Variants in XRN1 observed in about 807,000 individuals in gnomAD.
XRN1 encodes 5'-3' exoribonuclease 1.
In XRN1, 67 loss-of-function variants were observed where a neutral mutation model predicts 222.3. The ratio of observed to expected loss-of-function variants is 0.30; its 90% CI spans 0.25 to 0.37. The LOEUF is 0.37. Among genes scored for constraint, XRN1 ranks in the 10% least tolerant of loss-of-function variants. The pLI, the probability that XRN1 is intolerant of heterozygous loss-of-function variation, is 1.00. For synonymous variants in XRN1, 643 were observed against 652.4 expected (o/e 0.99, Z 0.22); for missense variants, 1,707 against 2,000.2 (o/e 0.85, Z 2.80).
At chr3:142,331,438 CAGTT>C (rs1268043110) in intron 36 of XRN1, among the ~76,000 whole-genome samples, 4 of 152,048 alleles carry the variant, frequency 2.6e-5, no homozygotes, top group Admixed American at 6.5e-5. Flanking sequence ...ATTTTTACAA[CAGTT>C]AGGTTATTTT....
intron 21 of XRN1, among the ~76,000 whole-genome samples, chr3:142,383,732 T>A (rs2067387061): frequency 6.6e-6 from 1 of 152,182 alleles, no homozygotes; most frequent in African/African-American, 2.4e-5. Flanking sequence ...AGAAGCCAAC[T>A]CAGGCAGCCA....
chr3:142,314,049 C>T (rs778153997), intron 39 of XRN1, among the ~76,000 whole-genome samples: 8 of 152,286 alleles, frequency 5.3e-5, no homozygotes, highest in African/African-American at 1.4e-4. Context: ...TGGTCAACTC[C>T]GTAATTTCCC....
rs146286357 is a variant in XRN1, at chr3:142,411,810, T to C, written c.1713+734A>G. ...TATAGCATTACTCAAATCTTCTTTA[T>C]ACTTACTGAAAATTTTTTTTTTTTT... On this transcript the variant is annotated intron_variant, in intron 15 of 40. Transcript: ENST00000392981. Among the ~76,000 whole-genome samples the C allele has an allele frequency of 3.2e-3, 483 of 152,062 alleles. 1 individual carries two copies. The highest frequency in any genetic ancestry group is 9.6e-3 in the African/African-American group (399 of 41,532).
At chr3:142,437,387 C>T (rs1252345504) in intron 1 of XRN1, among the ~76,000 whole-genome samples, 1 of 152,164 alleles carries the variant, frequency 6.6e-6, no homozygotes, top group African/African-American at 2.4e-5. Flanking sequence ...CCTCAGTTTC[C>T]CAACAGAACT....
intron 15 of XRN1, among the ~76,000 whole-genome samples, chr3:142,408,903 T>C (rs1042670638): frequency 2.0e-5 from 3 of 152,240 alleles, no homozygotes; most frequent in East Asian, 3.9e-4. Flanking sequence ...GATTATGGTA[T>C]AGTGGTATCT....
chr3:142,380,167 C>T lies in XRN1; in HGVS notation c.2630G>A (p.Gly877Asp), dbSNP rs755519017. 3.1e-6 allele frequency: 5 copies of T among 1,613,684 alleles called. No individual in the cohort carries two copies. Among genetic ancestry groups the T allele is most frequent in the South Asian group, 1.1e-5 (1 of 91,046 alleles). Residue 877 changes from glycine to aspartate, a missense_variant, in exon 23 of 41, where the codon GGT becomes GAT. By Grantham distance (94) the Gly-to-Asp change is moderately conservative (BLOSUM62 -1). This residue lies in a region of XRN1 where 1,234 missense variants were observed against 1,518.2 expected (regional missense o/e 0.81). Coordinates refer to ENST00000392981, the MANE Select transcript of XRN1 (RefSeq NM_001282857.2). ...AATCCTACCTTCTGTAATCACATCA[C>T]CTGAATCCTGAACCTTAGAAGAAAA... The part of the protein sequence containing the change: ...YGCTGEVQDS[G>D]DVITEGRIRV...
chr3:142,412,532 T>C lies in XRN1; in HGVS notation c.1713+12A>G. On this transcript the variant is annotated intron_variant, in intron 15 of 40. Coordinates refer to ENST00000392981, the MANE Select transcript of XRN1 (RefSeq NM_001282857.2). ...AATGTATGTGTATGTAATGATTATT[T>C]CATGCACTGACCTCATCAATAAAAG... 1 of 1,581,426 alleles carries C rather than the reference T, an allele frequency of 6.3e-7. No individual in the cohort carries two copies. Among genetic ancestry groups the C allele is most frequent in the South Asian group, 1.2e-5 (1 of 85,286 alleles).
intron 1 of XRN1, among the ~76,000 whole-genome samples, chr3:142,442,292 C>T (rs569241103): frequency 2.0e-5 from 3 of 152,038 alleles, no homozygotes; most frequent in African/African-American, 7.2e-5. Flanking sequence ...CTTACACTGC[C>T]GGGGTCATCA....
At chr3:142,318,252 G>A (rs996222426) in intron 39 of XRN1, among the ~76,000 whole-genome samples, 2 of 132,656 alleles carry the variant, frequency 1.5e-5, no homozygotes, top group African/African-American at 5.3e-5. Flanking sequence ...GTCTCAACAA[G>A]ATTTTGGACA....
chr3:142,381,455 T>C (rs2067301295), intron 22 of XRN1, among the ~76,000 whole-genome samples: 1 of 152,172 alleles, frequency 6.6e-6, no homozygotes, highest in African/African-American at 2.4e-5. Flanking sequence ...AAGATCCAGA[T>C]TAGGATCAGA....
intron 22 of XRN1, among the ~76,000 whole-genome samples, chr3:142,381,444 C>T (rs1311996057): frequency 6.6e-6 from 1 of 151,832 alleles, no homozygotes; most frequent in Admixed American, 6.6e-5. Context: ...TCCTTTATTA[C>T]AAGATCCAGA....
At chr3:142,369,117 T>C (rs1048986620) in intron 27 of XRN1, among the ~76,000 whole-genome samples, 11 of 152,154 alleles carry the variant, frequency 7.2e-5, no homozygotes, top group Non-Finnish European at 1.2e-4. Context: ...CTGCAATTAG[T>C]TCGAACAAGA....
At chr3:142,388,267 A>G (rs1253399119) in intron 20 of XRN1, among the ~76,000 whole-genome samples, 2 of 90,510 alleles carry the variant, frequency 2.2e-5, no homozygotes, top group African/African-American at 1.7e-4. Flanking sequence ...CTTAATTAAT[A>G]GTAAATATAT....
intron 20 of XRN1, among the ~76,000 whole-genome samples, chr3:142,394,517 T>TTCCTCCAGCCA (rs2067856995): frequency 6.6e-6 from 1 of 152,210 alleles, no homozygotes; most frequent in Non-Finnish European, 1.5e-5. Flanking sequence ...AACCTTCCTT[T>TTCCTCCAGCCA]TCCTCCAGCC....
intron 33 of XRN1, among the ~76,000 whole-genome samples, chr3:142,346,485 C>CTTT (rs1252729302): frequency 7.0e-6 from 1 of 143,062 alleles, no homozygotes. Flanking sequence ...CAATCATCCT[C>CTTT]TTTTTTTTTT....
intron 37 of XRN1, among the ~76,000 whole-genome samples, chr3:142,326,341 A>G (rs1024131243): frequency 6.6e-6 from 1 of 151,918 alleles, no homozygotes; most frequent in Non-Finnish European, 1.5e-5. Flanking sequence ...TTGTTTTATA[A>G]TAAGTTTTCA....
chr3:142,386,841 T>C (rs1211767151), intron 20 of XRN1, among the ~76,000 whole-genome samples: 1 of 152,154 alleles, frequency 6.6e-6, no homozygotes, highest in Non-Finnish European at 1.5e-5. Flanking sequence ...AGTAAGTACT[T>C]ATGAAAACAG....
At chr3:142,371,580 T>C (rs2066993357) in intron 25 of XRN1, among the ~76,000 whole-genome samples, 1 of 152,228 alleles carries the variant, frequency 6.6e-6, no homozygotes, top group African/African-American at 2.4e-5. Flanking sequence ...TTACTGACTC[T>C]ACTCTCTTTC....
intron 18 of XRN1, among the ~76,000 whole-genome samples, chr3:142,401,500 G>A (rs375513974): frequency 2.0e-5 from 3 of 152,168 alleles, no homozygotes; most frequent in East Asian, 1.9e-4. Context: ...GGATCACGAA[G>A]TCAGAAGTTC....
Sources: allele counts gnomAD v4.1 joint callset (sites outside exome capture counted in the v4.1 genomes callset), GRCh38; gene constraint gnomAD v4.1.1; regional missense constraint gnomAD v4.1.1; transcripts MANE v1.5; gene names NCBI Gene and HGNC (gene_info 2026-07-23, HGNC 2026-07-21).